Variants in UBE2QL1 observed in about 807,000 individuals in gnomAD.
The protein encoded by UBE2QL1 is ubiquitin-conjugating enzyme E2Q-like protein 1.
UBE2QL1 carries 5 observed loss-of-function variants against 12.6 expected under a neutral mutation model. The ratio of observed to expected loss-of-function variants is 0.40; its 90% confidence interval spans 0.21 to 0.83. The LOEUF (loss-of-function observed/expected upper bound fraction) is 0.83. UBE2QL1 is among the 40% of genes least tolerant of loss of function. The probability of loss-of-function intolerance (pLI) is 0.37; values close to 1 mark genes in which losing one functional copy is unlikely to be tolerated. For missense variants in UBE2QL1, 99 were observed against 222.6 expected (o/e 0.44, Z 3.53); for synonymous variants, 96 against 94.5 (o/e 1.02, Z -0.10).
chr5:6,470,053 G>A (rs1484711580), intron 1 of UBE2QL1, among the ~76,000 whole-genome samples: 1 of 152,040 alleles, frequency 6.6e-6, no homozygotes, highest in African/African-American at 2.4e-5. Flanking sequence ...GCCCAGTGGC[G>A]GCTCTGTTGT....
At chr5:6,463,019 C>T (rs272475) in intron 1 of UBE2QL1, among the ~76,000 whole-genome samples, 141,151 of 152,278 alleles carry the variant, frequency 0.93, 65,717 homozygotes, top group East Asian at 1. Flanking sequence ...AAATCATCCA[C>T]TTCTTCGCTA....
chr5:6,450,378 G>A, intron 1 of UBE2QL1, among the ~76,000 whole-genome samples: 1 of 152,220 alleles, frequency 6.6e-6, no homozygotes, highest in Non-Finnish European at 1.5e-5. Flanking sequence ...TGAGAGCAGG[G>A]TGAGTGCGTG....
intron 1 of UBE2QL1, among the ~76,000 whole-genome samples, chr5:6,490,575 A>T (rs1156917810): frequency 6.6e-6 from 1 of 152,168 alleles, no homozygotes; most frequent in Non-Finnish European, 1.5e-5. Context: ...GACCTCGAGG[A>T]TGGGTCTCTT....
At chr5:6,470,393 T>G (rs1048553972) in intron 1 of UBE2QL1, among the ~76,000 whole-genome samples, 4 of 152,208 alleles carry the variant, frequency 2.6e-5, no homozygotes, top group Non-Finnish European at 5.9e-5. Context: ...CCTGTAAAAC[T>G]CTTAAGAATT....
chr5:6,470,900 A>G (rs1397253268), intron 1 of UBE2QL1, among the ~76,000 whole-genome samples: 2 of 152,218 alleles, frequency 1.3e-5, no homozygotes, highest in Admixed American at 1.3e-4. Context: ...TGCCCTTCAG[A>G]AAGGTTACCC....
intron 1 of UBE2QL1, among the ~76,000 whole-genome samples, chr5:6,463,598 G>GTTATTATTATTATTATTATTGTTA (rs1739719893): frequency 7.3e-6 from 1 of 137,308 alleles, no homozygotes; most frequent in Non-Finnish European, 1.6e-5. Context: ...TATTTGTGCT[G>GTTATTATTATTATTATTATTGTTA]TTATTATTAT....
intron 1 of UBE2QL1, among the ~76,000 whole-genome samples, chr5:6,450,086 ACC>A (rs768975053): frequency 3.3e-3 from 341 of 104,342 alleles, no homozygotes; most frequent in Middle Eastern, 0.011. Flanking sequence ...ACAAGACCAG[ACC>A]CCCCCCCCCC....
chr5:6,461,696 G>A (rs1254866855), intron 1 of UBE2QL1, among the ~76,000 whole-genome samples: 1 of 152,114 alleles, frequency 6.6e-6, no homozygotes, highest in East Asian at 1.9e-4. Flanking sequence ...AAACAGACCT[G>A]CCCTACAGTG....
Position 6,491,414 on chromosome 5 carries a change from C to T in UBE2QL1, c.*65C>T, listed in dbSNP as rs896005218. 6.8e-6 allele frequency: 10 copies of T among 1,473,804 alleles called. No individual in the cohort carries two copies. The African/African-American group carries it at 1.3e-4, about 19-fold the overall frequency. 91.3% of individuals were successfully genotyped at this position (1,473,804 alleles called of 1,614,324 possible). On this transcript the variant is annotated 3_prime_UTR_variant, in exon 2 of 2. Coordinates refer to ENST00000399816, the MANE Select transcript of UBE2QL1 (RefSeq NM_001145161.3). ...ACACACACCAGTACCCTGACATCTC[C>T]TCAATGCTGTGCATCCTCCACCCGT...
intron 1 of UBE2QL1, among the ~76,000 whole-genome samples, chr5:6,477,095 C>T (rs901090031): frequency 2.6e-5 from 4 of 152,324 alleles, no homozygotes; most frequent in East Asian, 1.9e-4. Context: ...CCCATGCCTA[C>T]ACCAGCGCCC....
intron 1 of UBE2QL1, among the ~76,000 whole-genome samples, chr5:6,483,393 C>T (rs550565358): frequency 1.3e-5 from 2 of 151,748 alleles, no homozygotes; most frequent in African/African-American, 4.8e-5. Flanking sequence ...GAGCCAAGAT[C>T]GTGCCACTGC....
rs781450513 is a variant in UBE2QL1 at position 6,495,651 on chromosome 5, A to G, written c.*4302A>G. ...CAGCTGAGAAACACCCACAGGATCC[A>G]TTCTGTGCCCAAAGCAAATTGGAGC... On this transcript the variant is annotated 3_prime_UTR_variant, in exon 2 of 2. Coordinates refer to ENST00000399816, the MANE Select transcript of UBE2QL1 (RefSeq NM_001145161.3). Among the ~76,000 whole-genome samples, 4 of 152,208 alleles carry G rather than the reference A, an allele frequency of 2.6e-5. No homozygotes were observed. The highest frequency in any genetic ancestry group is 4.4e-5 in the Non-Finnish European group (3 of 68,040).
At chr5:6,455,998 C>T (rs903527657) in intron 1 of UBE2QL1, among the ~76,000 whole-genome samples, 1 of 152,144 alleles carries the variant, frequency 6.6e-6, no homozygotes, top group Non-Finnish European at 1.5e-5. Flanking sequence ...CCTCCACCCT[C>T]GATGAGACGC....
intron 1 of UBE2QL1, among the ~76,000 whole-genome samples, chr5:6,487,711 G>A (rs1363693123): frequency 6.6e-6 from 1 of 152,242 alleles, no homozygotes; most frequent in African/African-American, 2.4e-5. Context: ...AAAGTCCTCA[G>A]TATTTTCAAA....
At chr5:6,475,661 G>T (rs1301353348) in intron 1 of UBE2QL1, among the ~76,000 whole-genome samples, 1 of 151,592 alleles carries the variant, frequency 6.6e-6, no homozygotes, top group Admixed American at 6.6e-5. Context: ...GCCAAGGGAA[G>T]GGGTAGGAAG....
chr5:6,467,733 G>T (rs1739827323), intron 1 of UBE2QL1, among the ~76,000 whole-genome samples: 1 of 152,082 alleles, frequency 6.6e-6, no homozygotes, highest in Non-Finnish European at 1.5e-5. Context: ...TTTGCCGGGG[G>T]TCTCTGCCCT....
chr5:6,462,340 C>T (rs1354675942), intron 1 of UBE2QL1, among the ~76,000 whole-genome samples: 1 of 152,170 alleles, frequency 6.6e-6, no homozygotes, highest in Non-Finnish European at 1.5e-5. Flanking sequence ...AGGCAAGGCC[C>T]CCACCCCAGA....
intron 1 of UBE2QL1, among the ~76,000 whole-genome samples, chr5:6,465,996 TC>T (rs944974233): frequency 3.3e-5 from 5 of 151,650 alleles, no homozygotes; most frequent in African/African-American, 1.2e-4. Flanking sequence ...GCGACCTCCC[TC>T]CCCTCACACT....
chr5:6,454,151 G>T (rs1312248230), intron 1 of UBE2QL1, among the ~76,000 whole-genome samples: 1 of 152,138 alleles, frequency 6.6e-6, no homozygotes, highest in African/African-American at 2.4e-5. Context: ...CAGAGTATTG[G>T]GATTACAGGT....
Sources: gnomAD v4.1 joint callset for allele counts (sites outside exome capture counted in the v4.1 genomes callset) on GRCh38, gnomAD v4.1.1 for gene constraint, MANE v1.5 for transcripts, NCBI Gene and HGNC (gene_info 2026-07-23, HGNC 2026-07-21) for gene names.